EFEMP1: variants seen among roughly 807,000 people sequenced by gnomAD.
The protein encoded by EFEMP1 is EGF-containing fibulin-like extracellular matrix protein 1.
In EFEMP1, 18 loss-of-function variants were observed where a neutral mutation model predicts 65.7. The observed-to-expected ratio is 0.27, with a 90% CI of 0.19 to 0.41. EFEMP1 has a LOEUF of 0.41. EFEMP1 is among the 10% of genes least tolerant of loss of function. EFEMP1 has a pLI of 1.00. For synonymous variants in EFEMP1, 237 were observed against 219.7 expected, an observed-to-expected ratio of 1.08 and a Z score of -0.70; for missense variants, 469 against 624.8, an observed-to-expected ratio of 0.75 and a Z score of 2.66.
Position 55,873,366 on chromosome 2 carries a change from C to G in EFEMP1, c.1000+1580G>C, listed in dbSNP as rs1225783195. On this transcript the variant is annotated intron_variant, in intron 9 of 11. Coordinates refer to ENST00000355426, the MANE Select transcript of EFEMP1 (RefSeq NM_001039348.3). This position sits in a 1 kb window ranked among gnomAD's most constrained non-coding sequence, Gnocchi z 4.6. Reference sequence around the variant, plus strand: ...ATAACATTTAGGAATCCCCCACTTACAATTTTGGTGCATTTTCCACCTTTA... The same window carrying G: ...ATAACATTTAGGAATCCCCCACTTAGAATTTTGGTGCATTTTCCACCTTTA... 6.6e-6 allele frequency among the ~76,000 whole-genome samples: 1 copy of G among 152,032 alleles called. No individual in the cohort carries two copies. Among genetic ancestry groups the G allele is most frequent in the Admixed American group, 6.6e-5 (1 of 15,244 alleles).
In EFEMP1 at chr2:55,871,090, C is replaced by T. The variant is rs750022923; in HGVS notation, c.1034G>A (p.Arg345Gln). The T allele has an allele frequency of 4.3e-6, 7 of 1,613,522 alleles. No individual in the cohort carries two copies. The highest frequency in any genetic ancestry group is 2.7e-5 in the African/African-American group (2 of 74,878). Reference protein sequence around the residue: ...INECETTNECREDEMCWNYHG... With the variant: ...INECETTNECQEDEMCWNYHG... Reference sequence around the variant, plus strand: ...ATAATTCCAACACATTTCATCCTCCCGGCATTCATTTGTGGTCTCACACTC... The same window carrying T: ...ATAATTCCAACACATTTCATCCTCCTGGCATTCATTTGTGGTCTCACACTC... Residue 345 changes from arginine to glutamine, a missense_variant, in exon 10 of 12, where the codon CGG becomes CAG. Arg to Gln is a conservative substitution (Grantham distance 43). Coordinates refer to ENST00000355426, the MANE Select transcript of EFEMP1 (RefSeq NM_001039348.3). This position sits in a 1 kb window ranked among gnomAD's most constrained non-coding sequence, Gnocchi z 4.2.
At chr2:55,898,068 A>G (rs927874496) in intron 5 of EFEMP1, among the ~76,000 whole-genome samples, 10 of 151,028 alleles carry the variant, frequency 6.6e-5, no homozygotes, top group Admixed American at 2.6e-4. Context: ...GACTTGCTCC[A>G]TATTCCTTCA....
At position 55,877,522 on chromosome 2, in the gene EFEMP1, A is replaced by C. The variant is rs550085880; in HGVS notation, c.760+224T>G. Among the ~76,000 whole-genome samples, 3 of 152,316 alleles carry C rather than the reference A, an allele frequency of 2.0e-5. No homozygotes were observed. The East Asian group carries it at 5.8e-4, about 29-fold the overall frequency. On this transcript the variant is annotated intron_variant, in intron 7 of 11. Transcript: ENST00000355426. The surrounding 1 kb of genome is among the most constrained non-coding windows in gnomAD (Gnocchi z 4.5). ...TTGATTTGTAGTTTTAAATTTGTTG[A>C]TCTATCCACAGAGGAGAACTAAAAC...
chr2:55,916,596 T>C (rs997910781), intron 5 of EFEMP1, among the ~76,000 whole-genome samples: 1 of 152,200 alleles, frequency 6.6e-6, no homozygotes, highest in East Asian at 1.9e-4. Context: ...TCCTTACACA[T>C]GACCAGTTAG....
At chr2:55,892,920 T>C (rs1669686029) in intron 5 of EFEMP1, among the ~76,000 whole-genome samples, 1 of 152,206 alleles carries the variant, frequency 6.6e-6, no homozygotes, top group African/African-American at 2.4e-5. Context: ...GAGTCTATCA[T>C]ATTCCAAGTT....
chr2:55,895,689 C>A (rs1246484370), intron 5 of EFEMP1, among the ~76,000 whole-genome samples: 1 of 151,866 alleles, frequency 6.6e-6, no homozygotes, highest in Non-Finnish European at 1.5e-5. Flanking sequence ...CTACAGGCGC[C>A]CGCCACCTCG....
chr2:55,922,516 T>A lies in EFEMP1; in HGVS notation c.-7-69A>T. The stretch of plus-strand genomic sequence containing the variant: ...GGGGAAAGTAACAAAACTTTAGCAG[T>A]GAGCACAAGCGAGGAAAGGAGGGTG... On this transcript the variant is annotated intron_variant, in intron 2 of 11. Coordinates refer to ENST00000355426, the MANE Select transcript of EFEMP1 (RefSeq NM_001039348.3). This position sits in a 1 kb window ranked among gnomAD's most constrained non-coding sequence, Gnocchi z 5.5. The A allele has an allele frequency of 1.4e-6, 2 of 1,419,838 alleles. No homozygotes were observed. Among genetic ancestry groups the A allele is most frequent in the Non-Finnish European group, 2.0e-6 (2 of 1,009,036 alleles). 88.0% of individuals were successfully genotyped at this position (1,419,838 alleles called of 1,614,324 possible). A position where few individuals can be genotyped will look rare whatever the true frequency, so the allele number is the denominator to read the frequency against.
chr2:55,904,687 G>T (rs1670175703), intron 5 of EFEMP1, among the ~76,000 whole-genome samples: 1 of 152,134 alleles, frequency 6.6e-6, no homozygotes, highest in African/African-American at 2.4e-5. Flanking sequence ...TGGACTCTGG[G>T]ACTTACACTA....
Position 55,883,685 on chromosome 2 carries a change from C to G in EFEMP1, c.518-1951G>C, listed in dbSNP as rs6719384. On this transcript the variant is annotated intron_variant, in intron 5 of 11. Transcript: ENST00000355426. The surrounding 1 kb of genome is among the most constrained non-coding windows in gnomAD (Gnocchi z 4.5). ...CAAACTGCCTCCACCCCGCTGCATT[C>G]CTACAACTGATGCCCTATGACTTCC... Among the ~76,000 whole-genome samples the G allele has an allele frequency of 0.088, 13,416 of 152,148 alleles. 656 individuals are homozygous for G. Among genetic ancestry groups the G allele is most frequent in the African/African-American group, 0.13 (5,340 of 41,484 alleles).
Position 55,922,212 on chromosome 2 carries a change from T to C in EFEMP1, c.81+148A>G. ...GATCAAGGGGGCAATTTACAACGAA[T>C]CTTAGATATGAAGCATGAATGAAGT... On this transcript the variant is annotated intron_variant, in intron 3 of 11. Transcript: ENST00000355426. This position sits in a 1 kb window ranked among gnomAD's most constrained non-coding sequence, Gnocchi z 5.5. 1 of 775,806 alleles carries C rather than the reference T, an allele frequency of 1.3e-6. No individual in the cohort carries two copies. The highest frequency in any genetic ancestry group is 2.8e-5 in the East Asian group (1 of 35,694). 48.1% of individuals were successfully genotyped at this position (775,806 alleles called of 1,614,324 possible).
rs1668791749 is a variant in EFEMP1 at position 55,871,103 on chromosome 2, T to G, written c.1021A>C (p.Thr341Pro). ...ATTTCATCCTCCCGGCATTCATTTGTGGTCTCACACTCATTTATATCTGTA... is the reference window on the plus strand; with the variant it reads ...ATTTCATCCTCCCGGCATTCATTTGGGGTCTCACACTCATTTATATCTGTA... ...TCQDINECETTNECREDEMCW... is the reference protein window; with the variant it reads ...TCQDINECETPNECREDEMCW... The change falls in exon 10 of 12, where the codon ACA becomes CCA. Residue 341 changes from threonine to proline, a missense_variant. This residue lies in a region of EFEMP1 where 399 missense variants were observed against 528.2 expected (regional missense o/e 0.76). Transcript: ENST00000355426. This position sits in a 1 kb window ranked among gnomAD's most constrained non-coding sequence, Gnocchi z 4.2. 1 of 1,613,556 alleles carries G rather than the reference T, an allele frequency of 6.2e-7. No individual in the cohort carries two copies. Among genetic ancestry groups the G allele is most frequent in the Non-Finnish European group, 8.5e-7 (1 of 1,179,706 alleles).
Position 55,922,819 on chromosome 2 carries a change from C to T in EFEMP1, c.-8+80G>A, listed in dbSNP as rs1031740082. 3 of 1,078,214 alleles carry T rather than the reference C, an allele frequency of 2.8e-6. No homozygotes were observed. The highest frequency in any genetic ancestry group is 3.5e-5 in the South Asian group (2 of 56,568). 66.8% of individuals were successfully genotyped at this position (1,078,214 alleles called of 1,614,324 possible). A position where few individuals can be genotyped will look rare whatever the true frequency, so the allele number is the denominator to read the frequency against. On this transcript the variant is annotated intron_variant, in intron 2 of 11. Coordinates refer to ENST00000355426, the MANE Select transcript of EFEMP1 (RefSeq NM_001039348.3). The surrounding 1 kb of genome is among the most constrained non-coding windows in gnomAD (Gnocchi z 5.5). ...AGGGGACGGTGCATTTCCTGCCCCCCAGTCCCACACCCCGGGGGATGGAGG... is the reference window on the plus strand; with the variant it reads ...AGGGGACGGTGCATTTCCTGCCCCCTAGTCCCACACCCCGGGGGATGGAGG...
At chr2:55,907,132 A>G (rs952677991) in intron 5 of EFEMP1, among the ~76,000 whole-genome samples, 4 of 152,238 alleles carry the variant, frequency 2.6e-5, no homozygotes, top group African/African-American at 9.6e-5. Context: ...TTAATGTTAC[A>G]GGAATAATGA....
rs1317345485 is a variant in EFEMP1 at position 55,921,228 on chromosome 2, T to G, written c.81+1132A>C. Among the ~76,000 whole-genome samples the G allele has an allele frequency of 6.6e-6, 1 of 152,248 alleles. No homozygotes were observed. The highest frequency in any genetic ancestry group is 1.5e-5 in the Non-Finnish European group (1 of 68,040). On this transcript the variant is annotated intron_variant, in intron 3 of 11. Coordinates refer to ENST00000355426, the MANE Select transcript of EFEMP1 (RefSeq NM_001039348.3). This position sits in a 1 kb window ranked among gnomAD's most constrained non-coding sequence, Gnocchi z 4.1. ...CATGCCTTCATTTTTCTTGCTTAAT[T>G]TATCTTCAGCAGAGGAAGCAACTGC...
chr2:55,887,890 GA>G (rs1323213957), intron 5 of EFEMP1, among the ~76,000 whole-genome samples: 1 of 152,102 alleles, frequency 6.6e-6, no homozygotes. Flanking sequence ...GTTCTCATAG[GA>G]AAAAAATCAT....
At position 55,917,740 on chromosome 2, in the gene EFEMP1, G is replaced by A. The variant is rs892713014; in HGVS notation, c.442C>T (p.Arg148Cys). Residue 148 changes from arginine (R) to cysteine (C), a missense_variant, in exon 5 of 12, where the codon CGC (arginine) becomes TGC (cysteine). Arg to Cys is a radical substitution (Grantham distance 180). Transcript: ENST00000355426. The surrounding 1 kb of genome is among the most constrained non-coding windows in gnomAD (Gnocchi z 6.3). The stretch of plus-strand genomic sequence containing the variant: ...CGGTGGGAAGGGTTGGAGGGAATGC[G>A]CTGAGGGTCAGCTGGGTTCCGCCGG... ...VIRRNPADPQRIPSNPSHRIQ... is the reference protein window; with the variant it reads ...VIRRNPADPQCIPSNPSHRIQ... The A allele has an allele frequency of 2.5e-6, 4 of 1,614,210 alleles. No individual in the cohort carries two copies. The highest frequency in any genetic ancestry group is 3.4e-6 in the Non-Finnish European group (4 of 1,180,032).
rs1308507463 is a variant in EFEMP1 at position 55,923,284 on chromosome 2, C to T, written c.-48-345G>A. Among the ~76,000 whole-genome samples the T allele has an allele frequency of 1.3e-5, 2 of 152,184 alleles. No individual in the cohort carries two copies. The highest frequency in any genetic ancestry group is 2.9e-5 in the Non-Finnish European group (2 of 68,040). ...CGCAGCCCAAGGTACCAGTTTCGGGCGGGCGGCCTGGCCCGGCAGGGAGAT... is the reference window on the plus strand; with the variant it reads ...CGCAGCCCAAGGTACCAGTTTCGGGTGGGCGGCCTGGCCCGGCAGGGAGAT... On this transcript the variant is annotated intron_variant, in intron 1 of 11. Transcript: ENST00000355426. This position sits in a 1 kb window ranked among gnomAD's most constrained non-coding sequence, Gnocchi z 5.3.
chr2:55,915,218 A>C (rs1178673386), intron 5 of EFEMP1, among the ~76,000 whole-genome samples: 2 of 152,226 alleles, frequency 1.3e-5, no homozygotes, highest in Non-Finnish European at 2.9e-5. Flanking sequence ...ATAGACACCA[A>C]TCCCAAATTT....
Position 55,917,612 on chromosome 2 carries a change from G to A in EFEMP1, c.517+53C>T, listed in dbSNP as rs1368241821. On this transcript the variant is annotated intron_variant, in intron 5 of 11. Coordinates refer to ENST00000355426, the MANE Select transcript of EFEMP1 (RefSeq NM_001039348.3). This position sits in a 1 kb window ranked among gnomAD's most constrained non-coding sequence, Gnocchi z 6.3. Reference sequence around the variant, plus strand: ...AATAAATTATCATCATCCTCACCACGAGGTGCACTTGGGCAAAAGCTTTCA... The same window carrying A: ...AATAAATTATCATCATCCTCACCACAAGGTGCACTTGGGCAAAAGCTTTCA... 14 of 1,610,744 alleles carry A rather than the reference G, an allele frequency of 8.7e-6. No homozygotes were observed. The highest frequency in any genetic ancestry group is 1.7e-4 in the Middle Eastern group (1 of 6,050).
Sources: gnomAD v4.1 joint callset for allele counts (sites outside exome capture counted in the v4.1 genomes callset) on GRCh38, gnomAD v4.1.1 for gene constraint, gnomAD v4.1.1 regional missense constraint, Gnocchi (gnomAD v3.1) non-coding constraint, MANE v1.5 for transcripts, NCBI Gene and HGNC (gene_info 2026-07-23, HGNC 2026-07-21) for gene names.